Variants in DBH observed in about 807,000 individuals in gnomAD.
DBH encodes the protein dopamine beta-hydroxylase (dopamine beta-monooxygenase).
In DBH, 49 loss-of-function variants were observed where a neutral mutation model predicts 64.0. The ratio of observed to expected loss-of-function variants is 0.77; its 90% CI spans 0.61 to 0.97. The LOEUF is 0.97. Among genes scored for constraint, DBH ranks in the 50% least tolerant of loss-of-function variants. The pLI, the probability that DBH is intolerant of heterozygous loss-of-function variation, is 0.00. For synonymous variants in DBH, 343 were observed against 347.1 expected (o/e 0.99, Z 0.13); for missense variants, 828 against 826.6 (o/e 1.00, Z -0.02).
At chr9:133,637,059 C>T (rs1247017989) in intron 1 of DBH, among the ~76,000 whole-genome samples, 1 of 152,238 alleles carries the variant, frequency 6.6e-6, no homozygotes, top group Non-Finnish European at 1.5e-5. Context: ...CCACGACCCT[C>T]GGCCCTGTAA....
intron 2 of DBH, 81 bp from the exon 3 acceptor site, chr9:133,642,126 G>A: frequency 2.5e-6 from 4 of 1,575,884 alleles, no homozygotes; most frequent in Non-Finnish European, 2.6e-6. Flanking sequence ...GGTGTGGGTG[G>A]GCAGGGATGT....
chr9:133,641,296 C>T (rs1832113569), intron 2 of DBH, among the ~76,000 whole-genome samples: 1 of 152,256 alleles, frequency 6.6e-6, no homozygotes, highest in Non-Finnish European at 1.5e-5. Context: ...AGACCTGGTG[C>T]CAGAAGAGGT....
Position 133,636,367 on chromosome 9 carries a change from C to T in DBH, c.-5C>T, listed in dbSNP as rs868839518. 6.2e-7 allele frequency: 1 copy of T among 1,607,028 alleles called. No homozygotes were observed. ...CCAGGTGGGACCAGAGAGCTCACCC[C>T]AGCCATGCCCGCCCTCAGTCGCTGG... On this transcript the variant is annotated 5_prime_UTR_variant, in exon 1 of 12. Transcript: ENST00000393056.
Position 133,642,373 on chromosome 9 carries a change from C to A in DBH, c.653C>A (p.Ala218Asp), listed in dbSNP as rs1432782074. The change falls in exon 3 of 12, where the codon GCT (alanine) becomes GAT (aspartate). Residue 218 changes from alanine (A) to aspartate (D), a missense_variant. Ala to Asp is a moderately radical substitution (Grantham distance 126). Coordinates refer to ENST00000393056, the MANE Select transcript of DBH (RefSeq NM_000787.4). ...PSDACTMEVQ[A>D]PNIQIPSQET... Reference sequence around the variant, plus strand: ...GACGCGTGCACCATGGAGGTCCAAGCTCCCAATATCCAGATCCCCAGCCAG... The same window carrying A: ...GACGCGTGCACCATGGAGGTCCAAGATCCCAATATCCAGATCCCCAGCCAG... The A allele has an allele frequency of 1.2e-6, 2 of 1,614,140 alleles. No individual in the cohort carries two copies. The highest frequency in any genetic ancestry group is 1.7e-6 in the Non-Finnish European group (2 of 1,180,016).
intron 2 of DBH, 130 bp from the exon 3 acceptor site, chr9:133,642,077 C>A: frequency 7.6e-7 from 1 of 1,320,338 alleles, no homozygotes; most frequent in East Asian, 2.4e-5. Flanking sequence ...TCAAGGGTCC[C>A]TTATTCACAG....
chr9:133,652,885 AG>A, intron 8 of DBH, 54 bp from the exon 9 acceptor site: 1 of 1,363,024 alleles, frequency 7.3e-7, no homozygotes, highest in Non-Finnish European at 1.1e-6. Context: ...CGAGGCCTCC[AG>A]CACCTGCCAA....
chr9:133,637,561 G>A (rs1164550419), intron 1 of DBH, among the ~76,000 whole-genome samples: 1 of 152,244 alleles, frequency 6.6e-6, no homozygotes, highest in Non-Finnish European at 1.5e-5. Context: ...TCTGAAGTCA[G>A]GAGGTGCCTG....
At chr9:133,657,513 A>G (rs1159331219) in intron 11 of DBH, among the ~76,000 whole-genome samples, 1 of 149,962 alleles carries the variant, frequency 6.7e-6, no homozygotes, top group South Asian at 2.1e-4. Context: ...AGAGAGAGAG[A>G]GAGAGGGAGA....
chr9:133,654,357 C>T (rs1474150763), intron 9 of DBH, among the ~76,000 whole-genome samples: 1 of 152,184 alleles, frequency 6.6e-6, no homozygotes, highest in Non-Finnish European at 1.5e-5. Flanking sequence ...GCTGGGATTA[C>T]AGGCATGAGC....
intron 1 of DBH, among the ~76,000 whole-genome samples, chr9:133,639,417 C>T (rs796223804): frequency 5.3e-5 from 8 of 152,176 alleles, no homozygotes; most frequent in Admixed American, 2.0e-4. Flanking sequence ...TCTGAGGCTC[C>T]GCAACTCTCC....
At chr9:133,656,440 T>C (rs563445682) in intron 9 of DBH, 83 bp from the exon 10 acceptor site, 6 of 1,591,020 alleles carry the variant, frequency 3.8e-6, no homozygotes, top group Middle Eastern at 1.7e-4. Flanking sequence ...GGACGCAGTG[T>C]ACACGTGGGT....
At position 133,644,029 on chromosome 9, in the gene DBH, C is replaced by T. The variant is rs1163425137; in HGVS notation, c.922-189C>T. Among the ~76,000 whole-genome samples, 4 of 152,160 alleles carry T rather than the reference C, an allele frequency of 2.6e-5. No homozygotes were observed. In the East Asian group the frequency reaches 5.8e-4, roughly 22 times the overall value. Reference sequence around the variant, plus strand: ...CAGCTCCTCTCCCCAACTCCCTGACCCGAGTCTCACAGGATGTTCCTGGGG... The same window carrying T: ...CAGCTCCTCTCCCCAACTCCCTGACTCGAGTCTCACAGGATGTTCCTGGGG... On this transcript the variant is annotated intron_variant, in intron 4 of 11. Coordinates refer to ENST00000393056, the MANE Select transcript of DBH (RefSeq NM_000787.4).
rs1296257706 is a variant in DBH, at chr9:133,642,476, T to G, written c.744+12T>G. 6.3e-7 allele frequency: 1 copy of G among 1,598,120 alleles called. No individual in the cohort carries two copies. Among genetic ancestry groups the G allele is most frequent in the African/African-American group, 1.3e-5 (1 of 74,648 alleles). On this transcript the variant is annotated intron_variant, in intron 3 of 11. Transcript: ENST00000393056. ...ACCACATTATCAAGGTACGTGCGGGTCCAGGGCCGAGGTCCTCGCCCAGCC... is the reference window on the plus strand; with the variant it reads ...ACCACATTATCAAGGTACGTGCGGGGCCAGGGCCGAGGTCCTCGCCCAGCC...
intron 1 of DBH, among the ~76,000 whole-genome samples, chr9:133,637,203 A>G (rs1832063833): frequency 6.6e-6 from 1 of 152,214 alleles, no homozygotes; most frequent in African/African-American, 2.4e-5. Flanking sequence ...GTACCCGTGG[A>G]CCAACTGAGC....
chr9:133,641,527 C>T (rs1232905702), intron 2 of DBH, among the ~76,000 whole-genome samples: 1 of 152,234 alleles, frequency 6.6e-6, no homozygotes, highest in African/African-American at 2.4e-5. Flanking sequence ...GCAAATTAGC[C>T]ACCCACACGG....
chr9:133,650,490 CTTTT>C (rs1351474555), intron 6 of DBH, among the ~76,000 whole-genome samples: 1 of 142,960 alleles, frequency 7.0e-6, no homozygotes, highest in Non-Finnish European at 1.5e-5. Flanking sequence ...CTTTTTCTTT[CTTTT>C]CTTTCCTTTC....
chr9:133,654,144 T>G (rs905032828), intron 9 of DBH, among the ~76,000 whole-genome samples: 7 of 150,168 alleles, frequency 4.7e-5, no homozygotes, highest in Non-Finnish European at 1.0e-4. Context: ...AGACGGAGTC[T>G]CGCTCTGTCA....
chr9:133,655,698 C>CG (rs1832308476), intron 9 of DBH: 1 of 152,406 alleles, frequency 6.6e-6, no homozygotes, highest in Non-Finnish European at 1.5e-5. Context: ...TCACAAACAG[C>CG]GGGGAGCCTG....
Position 133,648,171 on chromosome 9 carries a change from C to T in DBH, c.1191+159C>T, listed in dbSNP as rs575022063. Reference sequence around the variant, plus strand: ...TCCCTCTTTTCTGTATGCAAGGGAACCCTGCTGCTGAGAGGCCATTTGTGT... The same window carrying T: ...TCCCTCTTTTCTGTATGCAAGGGAATCCTGCTGCTGAGAGGCCATTTGTGT... On this transcript the variant is annotated intron_variant, in intron 6 of 11. Coordinates refer to ENST00000393056, the MANE Select transcript of DBH (RefSeq NM_000787.4). 3.3e-5 allele frequency among the ~76,000 whole-genome samples: 5 copies of T among 152,366 alleles called. No individual in the cohort carries two copies. In the South Asian group the frequency reaches 6.2e-4, roughly 19 times the overall value.
Sources: allele counts gnomAD v4.1 joint callset (sites outside exome capture counted in the v4.1 genomes callset), GRCh38; gene constraint gnomAD v4.1.1; transcripts MANE v1.5; gene names NCBI Gene and HGNC (gene_info 2026-07-23, HGNC 2026-07-21).